GATA4: variants seen among roughly 807,000 people sequenced by gnomAD.
GATA4 encodes the protein GATA binding protein 4.
GATA4 carries 7 observed loss-of-function variants against 37.9 expected under a neutral mutation model. That is an observed-to-expected ratio of 0.18 (90% CI 0.11 to 0.35). The LOEUF is 0.35. Among genes scored for constraint, GATA4 ranks in the 10% least tolerant of loss-of-function variants. GATA4 has a pLI of 1.00. For missense variants in GATA4, 647 were observed against 653.0 expected (o/e 0.99, Z 0.10); for synonymous variants, 372 against 292.6 (o/e 1.27, Z -2.77).
chr8:11,681,183 C>G (rs1798959458), intron 1 of GATA4: 1 of 985,422 alleles, frequency 1.0e-6, no homozygotes, highest in East Asian at 1.1e-4. Flanking sequence ...GGGGGTTAGT[C>G]ACAGGCCCTG....
rs138447674 is a variant in GATA4, at chr8:11,731,918, A to G, written c.617-16998A>G. ...CTAGCCATCCAGAATTGGTTCTACA[A>G]GATTGCCTTTCTGGCTCTTCAGTGT... On this transcript the variant is annotated intron_variant, in intron 2 of 6. Coordinates refer to ENST00000532059, the MANE Select transcript of GATA4 (RefSeq NM_001308093.3). 6.8e-4 allele frequency among the ~76,000 whole-genome samples: 104 copies of G among 152,342 alleles called. 1 individual carries two copies. The Middle Eastern group carries it at 0.014, about 20-fold the overall frequency.
chr8:11,739,925 T>G (rs933095151), intron 2 of GATA4, among the ~76,000 whole-genome samples: 9 of 152,178 alleles, frequency 5.9e-5, no homozygotes, highest in African/African-American at 2.2e-4. Flanking sequence ...CACCTGCCCC[T>G]TGCTCCTGGA....
upstream of GATA4, chr8:11,704,117 C>T (rs1799783913): frequency 6.6e-6 from 1 of 152,346 alleles, no homozygotes; most frequent in African/African-American, 2.4e-5. Context: ...GCCGCGCACC[C>T]CCGCCCCGCC....
upstream of GATA4, chr8:11,692,090 G>A (rs1221382744): frequency 1.0e-6 from 1 of 981,052 alleles, no homozygotes; most frequent in Non-Finnish European, 1.2e-6. Context: ...GAAAGGGAAG[G>A]TGACAGGTGA....
intron 1 of GATA4, chr8:11,692,786 G>C (rs923420299): frequency 1.0e-6 from 1 of 982,614 alleles, no homozygotes; most frequent in Non-Finnish European, 1.2e-6. Context: ...GGCTGCCGAG[G>C]GGAGGAAGCG....
intron 1 of GATA4, among the ~76,000 whole-genome samples, chr8:11,693,246 G>C (rs1799382819): frequency 6.6e-6 from 1 of 152,178 alleles, no homozygotes; most frequent in Admixed American, 6.5e-5. Context: ...CGGCAGGATC[G>C]CTTGAGCCCA....
rs1186318120 is a variant in GATA4, at chr8:11,739,718, T to C, written c.617-9198T>C. ...AGGCACTGGGTTTGTTGAAACTCGA[T>C]GGCTCTGTGTGCAGAGCTTCTGTCG... On this transcript the variant is annotated intron_variant, in intron 2 of 6. Transcript: ENST00000532059. 3.9e-4 allele frequency among the ~76,000 whole-genome samples: 60 copies of C among 152,132 alleles called. 1 individual carries two copies. Among genetic ancestry groups the C allele is most frequent in the Admixed American group, 3.8e-3 (58 of 15,278 alleles).
At chr8:11,697,342 A>T (rs894473363) in intron 1 of GATA4, among the ~76,000 whole-genome samples, 1 of 152,258 alleles carries the variant, frequency 6.6e-6, no homozygotes, top group Non-Finnish European at 1.5e-5. Context: ...CGTTCAGAAC[A>T]CAGTGAACAC....
chr8:11,737,099 G>T (rs765294080), intron 2 of GATA4, among the ~76,000 whole-genome samples: 80 of 152,228 alleles, frequency 5.3e-4, no homozygotes, highest in Non-Finnish European at 9.1e-4. Flanking sequence ...AAGATGTAAA[G>T]TGATGGCGAT....
At chr8:11,687,127 G>A (rs992960387) in intron 1 of GATA4, among the ~76,000 whole-genome samples, 1 of 152,220 alleles carries the variant, frequency 6.6e-6, no homozygotes, top group Non-Finnish European at 1.5e-5. Flanking sequence ...AGCAAGAGAT[G>A]TGAGAAGTGA....
Position 11,758,601 on chromosome 8 carries a change from A to G in GATA4, c.*126A>G. ...TAATGACTCCAGAACAACAACTGGG[A>G]AGAAACTTGAAGTCGACAATCTGGT... is the stretch of plus-strand genomic sequence containing the variant. On this transcript the variant is annotated 3_prime_UTR_variant, in exon 7 of 7. Coordinates refer to ENST00000532059, the MANE Select transcript of GATA4 (RefSeq NM_001308093.3). 1 of 897,428 alleles carries G rather than the reference A, an allele frequency of 1.1e-6. No homozygotes were observed. The highest frequency in any genetic ancestry group is 1.8e-6 in the Non-Finnish European group (1 of 550,614). 55.6% of individuals were successfully genotyped at this position (897,428 alleles called of 1,614,324 possible).
chr8:11,697,460 C>A, intron 1 of GATA4: 1 of 702,960 alleles, frequency 1.4e-6, no homozygotes, highest in Non-Finnish European at 1.7e-6. Flanking sequence ...AACCTCCCAG[C>A]TGGGGAAGCG....
intron 2 of GATA4, among the ~76,000 whole-genome samples, chr8:11,742,323 A>G (rs532595494): frequency 6.1e-5 from 9 of 146,554 alleles, no homozygotes; most frequent in African/African-American, 2.3e-4. Flanking sequence ...TTGTTCTTCA[A>G]CCTCTTCCTC....
At chr8:11,691,579 T>C (rs1337671411), upstream of GATA4, among the ~76,000 whole-genome samples, 1 of 152,242 alleles carries the variant, frequency 6.6e-6, no homozygotes, top group African/African-American at 2.4e-5. Flanking sequence ...GACAGTTTAG[T>C]AGTCTCTTCA....
intron 1 of GATA4, among the ~76,000 whole-genome samples, chr8:11,683,812 C>G (rs796901946): frequency 2.0e-4 from 31 of 152,336 alleles, no homozygotes; most frequent in African/African-American, 7.5e-4. Context: ...GCAGGAATCC[C>G]TCCCCACAAT....
intron 5 of GATA4, 108 bp downstream of exon 5, chr8:11,755,241 G>C: frequency 1.2e-6 from 1 of 844,756 alleles, no homozygotes; most frequent in Non-Finnish European, 2.0e-6. Context: ...GCCAGGGGGT[G>C]GTGACAGCAT....
chr8:11,737,978 CAAGA>C (rs1320646019), intron 2 of GATA4, among the ~76,000 whole-genome samples: 1 of 152,048 alleles, frequency 6.6e-6, no homozygotes, highest in African/African-American at 2.4e-5. Context: ...CTCAGGAGTT[CAAGA>C]CCACCCTGAC....
rs575075417 is a variant in GATA4, at chr8:11,680,960, A to G, written c.-274+3897A>G. On this transcript the variant is annotated intron_variant, in intron 1 of 6. Transcript: ENST00000528712. ...AAATGGTCACTGTGTCCCCCAGGTT[A>G]GGCTGCTGGTATCTCAATATCCCCC... 3.8e-4 allele frequency: 376 copies of G among 984,498 alleles called. 1 individual carries two copies. The African/African-American group carries it at 5.8e-3, about 15-fold the overall frequency. The allele number at this position is 984,498 out of a possible 1,614,324, so 61.0% of individuals were successfully genotyped here.
chr8:11,694,793 C>T (rs2043786683), intron 1 of GATA4, among the ~76,000 whole-genome samples: 1 of 152,128 alleles, frequency 6.6e-6, no homozygotes, highest in Non-Finnish European at 1.5e-5. Context: ...GAGTTAGAAA[C>T]AATCATATTA....
Sources: allele counts gnomAD v4.1 joint callset (sites outside exome capture counted in the v4.1 genomes callset), GRCh38; gene constraint gnomAD v4.1.1; transcripts MANE v1.5; gene names NCBI Gene and HGNC (gene_info 2026-07-23, HGNC 2026-07-21).